Variants in OGFOD3 observed in about 807,000 individuals in gnomAD.
OGFOD3 encodes the protein 2-oxoglutarate and iron-dependent oxygenase domain-containing protein 3.
Under a neutral mutation model 39.8 loss-of-function variants are expected in OGFOD3, and 35 were observed. That is an observed-to-expected ratio of 0.88 (90% CI 0.67 to 1.17). OGFOD3 has a LOEUF of 1.17. Among genes scored for constraint, OGFOD3 ranks in the 50% most tolerant of loss-of-function variants. The pLI, the probability that OGFOD3 is intolerant of heterozygous loss-of-function variation, is 0.00. For synonymous variants in OGFOD3, 200 were observed against 192.0 expected (o/e 1.04, Z -0.34); for missense variants, 438 against 454.5 (o/e 0.96, Z 0.33).
chr17:82,403,245 C>G lies in OGFOD3; in HGVS notation c.699+692G>C, dbSNP rs75098487. 1.8e-3 allele frequency among the ~76,000 whole-genome samples: 276 copies of G among 152,288 alleles called. 2 individuals are homozygous for G. The highest frequency in any genetic ancestry group is 6.3e-3 in the African/African-American group (263 of 41,556). ...GCCGTGTGGGCCGGGTTCTCCACTT[C>G]TTCTTGTCACCATCAAATGAGAAAT... On this transcript the variant is annotated intron_variant, in intron 7 of 8. Transcript: ENST00000313056.
At chr17:82,411,431 C>G (rs2052940663) in intron 3 of OGFOD3, 24 bp downstream of exon 3, 1 of 1,609,386 alleles carries the variant, frequency 6.2e-7, no homozygotes, top group Non-Finnish European at 8.5e-7. Flanking sequence ...TTGAATCCCA[C>G]CGTGCTCAGG....
intron 8 of OGFOD3, chr17:82,396,445 T>TAGAC (rs56315932): frequency 0.3 from 44,979 of 150,880 alleles, 7,062 homozygotes; most frequent in Non-Finnish European, 0.35. Flanking sequence ...TACACACAAT[T>TAGAC]AGATGTATGA....
At chr17:82,393,793 G>T (rs559635489) in intron 8 of OGFOD3, 17 of 152,296 alleles carry the variant, frequency 1.1e-4, no homozygotes, top group African/African-American at 4.1e-4. Context: ...TCAGGAGGCT[G>T]CCAGCATTCA....
chr17:82,412,057 AGAAAACCCTCCTGAGACCGCCAGAGAG>A, intron 2 of OGFOD3, among the ~76,000 whole-genome samples: 1 of 65,898 alleles, frequency 1.5e-5, no homozygotes, highest in Non-Finnish European at 3.1e-5. Flanking sequence ...CCACTGGCGC[AGAAAACCCTCCTGAGACCGCCAGAGAG>A]GAAAACCCTC....
intron 7 of OGFOD3, among the ~76,000 whole-genome samples, chr17:82,401,900 T>A (rs2052773229): frequency 6.6e-6 from 1 of 151,680 alleles, no homozygotes; most frequent in South Asian, 2.1e-4. Context: ...CTGCCATTCC[T>A]TCCTCTGTCA....
At chr17:82,397,869 G>C (rs749579180) in intron 8 of OGFOD3, among the ~76,000 whole-genome samples, 22 of 152,218 alleles carry the variant, frequency 1.4e-4, no homozygotes, top group Non-Finnish European at 2.5e-4. Context: ...AGAGGTGAAC[G>C]CACTCCAGAG....
At chr17:82,394,285 C>G in intron 8 of OGFOD3, 1 of 1,469,760 alleles carries the variant, frequency 6.8e-7, no homozygotes, top group Admixed American at 2.3e-5. Context: ...CCACCACGCC[C>G]GGCCTAAGAT....
chr17:82,399,820 C>T (rs953258576), intron 7 of OGFOD3, among the ~76,000 whole-genome samples: 4 of 152,188 alleles, frequency 2.6e-5, no homozygotes, highest in Non-Finnish European at 5.9e-5. Context: ...GTGCAGCTGC[C>T]AGGACACCAG....
chr17:82,400,356 G>A (rs1312525333), intron 7 of OGFOD3, among the ~76,000 whole-genome samples: 10 of 152,178 alleles, frequency 6.6e-5, no homozygotes, highest in Admixed American at 6.5e-4. Context: ...GGGGAGACCA[G>A]AGTAAGACAG....
In OGFOD3 at chr17:82,392,956, G is replaced by T. The variant is rs977081079; in HGVS notation, c.824-422C>A. On this transcript the variant is annotated intron_variant, in intron 8 of 8. Transcript: ENST00000313056. This position sits in a 1 kb window ranked among gnomAD's most constrained non-coding sequence, Gnocchi z 4.2. The stretch of plus-strand genomic sequence containing the variant: ...TGAGAACAAAAACCAAGCCCTGGGG[G>T]TGTTCTAACAAAGAATCAGGAAAGA... 1 of 163,808 alleles carries T rather than the reference G, an allele frequency of 6.1e-6. No homozygotes were observed. Among genetic ancestry groups the T allele is most frequent in the African/African-American group, 2.4e-5 (1 of 41,784 alleles). The allele number at this position is 163,808 out of a possible 1,614,324, so 10.1% of individuals were successfully genotyped here. A position where few individuals can be genotyped will look rare whatever the true frequency, so the allele number is the denominator to read the frequency against.
chr17:82,409,915 G>A (rs1304228609), intron 3 of OGFOD3, among the ~76,000 whole-genome samples: 1 of 152,118 alleles, frequency 6.6e-6, no homozygotes, highest in Non-Finnish European at 1.5e-5. Flanking sequence ...AAAAGAGAGA[G>A]AGAGAGAGAG....
At position 82,394,892 on chromosome 17, in the gene OGFOD3, C is replaced by T. The variant is rs559161382; in HGVS notation, c.824-2358G>A. Among the ~76,000 whole-genome samples the T allele has an allele frequency of 4.1e-4, 62 of 152,294 alleles. 1 individual carries two copies. The highest frequency in any genetic ancestry group is 1.4e-3 in the African/African-American group (59 of 41,540). On this transcript the variant is annotated intron_variant, in intron 8 of 8. Coordinates refer to ENST00000313056, the MANE Select transcript of OGFOD3 (RefSeq NM_024648.3). ...GGCCGAGCATCCCTGGTCAGTGACA[C>T]CCCCGAATATCATCACACATCACTG...
At position 82,392,625 on chromosome 17, in the gene OGFOD3, T is replaced by C; in HGVS notation, c.824-91A>G. The C allele has an allele frequency of 7.0e-7, 1 of 1,436,652 alleles. No homozygotes were observed. The highest frequency in any genetic ancestry group is 9.3e-7 in the Non-Finnish European group (1 of 1,069,764). The allele number at this position is 1,436,652 out of a possible 1,614,324, so 89.0% of individuals were successfully genotyped here. ...CTGCGGTCACCTGAAAGAGCAACTA[T>C]AACCAATCAACACAACCAACCAGGC... On this transcript the variant is annotated intron_variant, in intron 8 of 8. Coordinates refer to ENST00000313056, the MANE Select transcript of OGFOD3 (RefSeq NM_024648.3). This position sits in a 1 kb window ranked among gnomAD's most constrained non-coding sequence, Gnocchi z 4.2.
At chr17:82,394,207 G>A (rs2052635140) in intron 8 of OGFOD3, 2 of 645,556 alleles carry the variant, frequency 3.1e-6, no homozygotes, top group East Asian at 6.0e-5. Context: ...AGCCAGGATG[G>A]TCTCGATCTC....
At chr17:82,411,603 C>T (rs1201220832) in intron 2 of OGFOD3, 73 bp from the exon 3 acceptor site, 25 of 1,222,572 alleles carry the variant, frequency 2.0e-5, no homozygotes, top group Non-Finnish European at 2.7e-5. Context: ...GAATCAGGGC[C>T]AGAACTGGCT....
rs1056048630 is a variant in OGFOD3 at position 82,392,479 on chromosome 17, G to A, written c.879C>T (p.Val293=). The A allele has an allele frequency of 5.6e-6, 9 of 1,609,980 alleles. No homozygotes were observed. In the Admixed American group the frequency reaches 8.4e-5, roughly 15 times the overall value. Residue 293 remains valine, a synonymous_variant, in exon 9 of 9, where the codon GTC becomes GTT. Coordinates refer to ENST00000313056, the MANE Select transcript of OGFOD3 (RefSeq NM_024648.3). This position sits in a 1 kb window ranked among gnomAD's most constrained non-coding sequence, Gnocchi z 4.2. ...TGATGGCGTAACGGGTGCCCCAGTGGACCTTCTCCACGCGGTGTAGGTTCT... is the reference window on the plus strand; with the variant it reads ...TGATGGCGTAACGGGTGCCCCAGTGAACCTTCTCCACGCGGTGTAGGTTCT... ...GSENLHRVEK[V]HWGTRYAITI... is the part of the protein sequence containing the mutation.
Position 82,389,313 on chromosome 17 carries a change from T to C in OGFOD3, c.*3085A>G, listed in dbSNP as rs116916712. On this transcript the variant is annotated 3_prime_UTR_variant, in exon 9 of 9. Coordinates refer to ENST00000313056, the MANE Select transcript of OGFOD3 (RefSeq NM_024648.3). The surrounding 1 kb of genome is among the most constrained non-coding windows in gnomAD (Gnocchi z 4.6). ...ACTCATCAGAGGACACACCTGAGACTCCAGTTCCTCCCTGGAACCTTCTAG... is the reference window on the plus strand; with the variant it reads ...ACTCATCAGAGGACACACCTGAGACCCCAGTTCCTCCCTGGAACCTTCTAG... 0.028 allele frequency: 4,226 copies of C among 152,304 alleles called. 77 individuals are homozygous for C. Among genetic ancestry groups the C allele is most frequent in the Non-Finnish European group, 0.046 (3,118 of 68,020 alleles). The allele number at this position is 152,304 out of a possible 1,614,324, so 9.4% of individuals were successfully genotyped here. A position where few individuals can be genotyped will look rare whatever the true frequency, so the allele number is the denominator to read the frequency against.
At chr17:82,403,042 A>G (rs959274842) in intron 7 of OGFOD3, among the ~76,000 whole-genome samples, 1 of 152,230 alleles carries the variant, frequency 6.6e-6, no homozygotes, top group African/African-American at 2.4e-5. Context: ...CCTGGGTGAC[A>G]GAGTGAAGCT....
chr17:82,409,491 T>C, intron 3 of OGFOD3, 81 bp from the exon 4 acceptor site: 1 of 1,281,682 alleles, frequency 7.8e-7, no homozygotes, highest in Non-Finnish European at 1.1e-6. Context: ...ATCAGCAAAA[T>C]TAATGCAACA....
Sources: allele counts gnomAD v4.1 joint callset (sites outside exome capture counted in the v4.1 genomes callset), GRCh38; gene constraint gnomAD v4.1.1; non-coding constraint Gnocchi (gnomAD v3.1); transcripts MANE v1.5; gene names NCBI Gene and HGNC (gene_info 2026-07-23, HGNC 2026-07-21).